The following NCAPD2 variants were observed in gnomAD, a reference collection of about 807,000 sequenced individuals.
The protein encoded by NCAPD2 is non-SMC condensin I complex subunit D2.
NCAPD2 carries 100 observed loss-of-function variants against 164.5 expected under a neutral mutation model. That is an observed-to-expected ratio of 0.61 (90% confidence interval 0.52 to 0.72). NCAPD2 has a LOEUF of 0.72. Among genes scored for constraint, NCAPD2 ranks in the 30% least tolerant of loss-of-function variants. The probability of loss-of-function intolerance (pLI) is 0.00; values close to 1 mark genes in which losing one functional copy is unlikely to be tolerated. For synonymous variants in NCAPD2, 585 were observed against 642.6 expected (o/e 0.91, Z 1.36); for missense variants, 1,560 against 1,749.2 (o/e 0.89, Z 1.93).
intron 6 of NCAPD2, among the ~76,000 whole-genome samples, chr12:6,513,713 G>GTTTTTTTTTTTTTTTTTT (rs1303520172): frequency 1.7e-3 from 85 of 50,068 alleles, no homozygotes; most frequent in Admixed American, 2.3e-3. Flanking sequence ...TGGTGACTTT[G>GTTTTTTTTTTTTTTTTTT]TCTTTTTTTT....
chr12:6,528,531 C>G lies in NCAPD2; in HGVS notation c.3300-148C>G, dbSNP rs758383023. ...GGTTAGAAGCTTCACCTCTTTCCCCCACTCCAGCTTTCAACTCTAGACAGC... is the reference window on the plus strand; with the variant it reads ...GGTTAGAAGCTTCACCTCTTTCCCCGACTCCAGCTTTCAACTCTAGACAGC... On this transcript the variant is annotated intron_variant, in intron 25 of 31. Coordinates refer to ENST00000315579, the MANE Select transcript of NCAPD2 (RefSeq NM_014865.4). The surrounding 1 kb of genome is among the most constrained non-coding windows in gnomAD (Gnocchi z 5.1). The G allele has an allele frequency of 1.3e-5, 15 of 1,157,182 alleles. No homozygotes were observed. The highest frequency in any genetic ancestry group is 1.8e-5 in the Non-Finnish European group (15 of 820,466). 71.7% of individuals were successfully genotyped at this position (1,157,182 alleles called of 1,614,324 possible).
Position 6,526,940 on chromosome 12 carries a change from C to T in NCAPD2, c.2784C>T (p.Ser928=). ...CTTTCCTGTTGATGAACCTGCTGTC[C>T]CTGGCTGGGGATGTGGCTCTGCAGC... is the stretch of plus-strand genomic sequence containing the variant. ...LPTFLLMNLL[S]LAGDVALQQL... is the part of the protein sequence containing the mutation. Residue 928 remains serine, a synonymous_variant, in exon 22 of 32, where the codon TCC becomes TCT. Transcript: ENST00000315579. The T allele has an allele frequency of 6.2e-7, 1 of 1,614,124 alleles. No individual in the cohort carries two copies. The highest frequency in any genetic ancestry group is 1.3e-5 in the African/African-American group (1 of 75,042).
At position 6,526,187 on chromosome 12, in the gene NCAPD2, C is replaced by T. The variant is rs369160973; in HGVS notation, c.2468C>T (p.Ser823Leu). Reference protein sequence around the residue: ...QQVCHAIANISDRRKPSLGKR... With the variant: ...QQVCHAIANILDRRKPSLGKR... ...GTGTGCCATGCCATTGCCAACATCTCGGACAGGAGAAAGGTATGTGGGGGT... is the reference window on the plus strand; with the variant it reads ...GTGTGCCATGCCATTGCCAACATCTTGGACAGGAGAAAGGTATGTGGGGGT... The change falls in exon 19 of 32, where the codon TCG becomes TTG. Residue 823 changes from serine (S) to leucine (L), a missense_variant. By Grantham distance (145) the Ser-to-Leu change is moderately radical. Transcript: ENST00000315579. The T allele has an allele frequency of 1.6e-4, 266 of 1,614,060 alleles. No homozygotes were observed. The highest frequency in any genetic ancestry group is 2.0e-4 in the Non-Finnish European group (234 of 1,180,048).
At chr12:6,494,192 A>C (rs568900556) in intron 1 of NCAPD2, 38 bp downstream of exon 1, 2 of 152,434 alleles carry the variant, frequency 1.3e-5, no homozygotes, top group East Asian at 3.9e-4. Context: ...AGAGTAGGAA[A>C]GTCGAGTACA....
At chr12:6,514,432 C>A (rs1182993192) in intron 7 of NCAPD2, 32 bp from the exon 8 acceptor site, 6 of 1,614,148 alleles carry the variant, frequency 3.7e-6, no homozygotes, top group South Asian at 1.1e-5. Context: ...TTTTGTATTG[C>A]CCATAATTTC....
chr12:6,526,084 G>A lies in NCAPD2; in HGVS notation c.2365G>A (p.Val789Met). 2 of 1,614,026 alleles carry A rather than the reference G, an allele frequency of 1.2e-6. No individual in the cohort carries two copies. The highest frequency in any genetic ancestry group is 1.7e-6 in the Non-Finnish European group (2 of 1,180,042). The change falls in exon 19 of 32, where the codon GTG becomes ATG. Residue 789 changes from valine to methionine, a missense_variant. Physicochemically the swap from Val to Met is conservative, Grantham distance 21 (BLOSUM62 1). Transcript: ENST00000315579. ...TTCCCCTAGAGGAAAGCCAGAAATT[G>A]TGGGAAGCAATTTAGACACACTGGT... The part of the protein sequence containing the change: ...GMMARGKPEI[V>M]GSNLDTLVSI...
chr12:6,495,072 C>T lies in NCAPD2; in HGVS notation c.-23-4C>T, dbSNP rs767263349. On this transcript the variant is annotated splice_region_variant and splice_polypyrimidine_tract_variant and intron_variant, in intron 1 of 31. Transcript: ENST00000315579. ...CCCTGACTTTTTCACTGTTTGGTTT[C>T]TAGCCCTGTGAGCCTGTAGGAGTAG... is the stretch of plus-strand genomic sequence containing the variant. The T allele has an allele frequency of 6.2e-7, 1 of 1,613,544 alleles. No homozygotes were observed. Among genetic ancestry groups the T allele is most frequent in the African/African-American group, 1.3e-5 (1 of 74,926 alleles).
chr12:6,497,918 CTT>C (rs71067120), intron 2 of NCAPD2, among the ~76,000 whole-genome samples: 9 of 140,048 alleles, frequency 6.4e-5, no homozygotes, highest in African/African-American at 2.4e-4. Context: ...CGCCCAGCCA[CTT>C]TTTTTTTTTT....
chr12:6,514,941 C>A, intron 9 of NCAPD2, 21 bp downstream of exon 9: 1 of 1,613,210 alleles, frequency 6.2e-7, no homozygotes, highest in Non-Finnish European at 8.5e-7. Context: ...CACTAGGGGT[C>A]ACTGAGCTTT....
intron 2 of NCAPD2, among the ~76,000 whole-genome samples, chr12:6,497,268 A>G (rs1945992759): frequency 6.7e-6 from 1 of 149,634 alleles, no homozygotes; most frequent in Admixed American, 6.8e-5. Context: ...TTCACTTATT[A>G]TAATGATGCA....
At chr12:6,512,084 AC>A (rs2137047823) in intron 6 of NCAPD2, among the ~76,000 whole-genome samples, 1 of 151,954 alleles carries the variant, frequency 6.6e-6, no homozygotes, top group East Asian at 1.9e-4. Flanking sequence ...GATCGAGACC[AC>A]GGTGAAACCC....
chr12:6,530,678 T>C lies in NCAPD2; in HGVS notation c.3838-13T>C. On this transcript the variant is annotated splice_polypyrimidine_tract_variant and intron_variant, in intron 29 of 31. Transcript: ENST00000315579. ...TTTTCAGGCCTGCTCTGAATCTCCT[T>C]TTCTCCCTCCAGGCTATAATAGATG... 6.2e-7 allele frequency: 1 copy of C among 1,613,896 alleles called. No homozygotes were observed. Among genetic ancestry groups the C allele is most frequent in the Non-Finnish European group, 8.5e-7 (1 of 1,179,948 alleles).
intron 13 of NCAPD2, among the ~76,000 whole-genome samples, chr12:6,518,504 G>GTTTTTGTGTT (rs746627585): frequency 1.6e-4 from 7 of 44,774 alleles, no homozygotes; most frequent in Non-Finnish European, 2.7e-4. Context: ...CCGTCAACAA[G>GTTTTTGTGTT]TTTTTTTTTT....
In NCAPD2 at chr12:6,529,511, A is replaced by G. The variant is rs1385458593; in HGVS notation, c.3573-2A>G. 3 of 1,613,900 alleles carry G rather than the reference A, an allele frequency of 1.9e-6. No homozygotes were observed. The highest frequency in any genetic ancestry group is 1.7e-6 in the Non-Finnish European group (2 of 1,179,820). On this transcript the variant is annotated splice_acceptor_variant, in intron 27 of 31. Transcript: ENST00000315579. LOFTEE classifies it high-confidence loss of function. The stretch of plus-strand genomic sequence containing the variant: ...GAACATCCTCATCTCCCCTTCCTGC[A>G]GACAGCTCCTCTCCTACATCACCAA...
At chr12:6,510,188 TTGTC>T (rs750923499) in intron 4 of NCAPD2, 55 bp downstream of exon 4, 3 of 1,507,900 alleles carry the variant, frequency 2.0e-6, no homozygotes, top group Non-Finnish European at 2.8e-6. Context: ...GTTTGTTTGT[TTGTC>T]TGTTTGTTTG....
intron 13 of NCAPD2, among the ~76,000 whole-genome samples, chr12:6,520,413 C>T (rs1369385960): frequency 1.4e-5 from 2 of 145,690 alleles, no homozygotes; most frequent in Admixed American, 1.3e-4. Context: ...CACAGGCACA[C>T]ACCATCACAC....
At chr12:6,494,689 C>T (rs551667431) in intron 1 of NCAPD2, among the ~76,000 whole-genome samples, 2 of 152,168 alleles carry the variant, frequency 1.3e-5, no homozygotes, top group African/African-American at 4.8e-5. Flanking sequence ...ATTAATATGC[C>T]ACTTTATAGT....
At position 6,514,930 on chromosome 12, in the gene NCAPD2, C is replaced by T. The variant is rs1002264504; in HGVS notation, c.987+10C>T. The T allele has an allele frequency of 3.7e-6, 6 of 1,613,914 alleles. No individual in the cohort carries two copies. Among genetic ancestry groups the T allele is most frequent in the Non-Finnish European group, 4.2e-6 (5 of 1,179,898 alleles). Reference sequence around the variant, plus strand: ...TCACCTGGATGGAGAAGTAGGTGGTCCACTAGGGGTCACTGAGCTTTTTCT... The same window carrying T: ...TCACCTGGATGGAGAAGTAGGTGGTTCACTAGGGGTCACTGAGCTTTTTCT... On this transcript the variant is annotated intron_variant, in intron 9 of 31. Coordinates refer to ENST00000315579, the MANE Select transcript of NCAPD2 (RefSeq NM_014865.4).
Position 6,526,268 on chromosome 12 carries a change from G to C in NCAPD2, c.2482-19G>C. 5 of 1,614,130 alleles carry C rather than the reference G, an allele frequency of 3.1e-6. No homozygotes were observed. Among genetic ancestry groups the C allele is most frequent in the Non-Finnish European group, 4.2e-6 (5 of 1,180,026 alleles). On this transcript the variant is annotated intron_variant, in intron 19 of 31. Transcript: ENST00000315579. Reference sequence around the variant, plus strand: ...GTGTCCACCCTGTACACACACCCACGTTGTCTTGCTCTCCACAGCCTTCTC... The same window carrying C: ...GTGTCCACCCTGTACACACACCCACCTTGTCTTGCTCTCCACAGCCTTCTC...
Sources: gnomAD v4.1 joint callset for allele counts (sites outside exome capture counted in the v4.1 genomes callset) on GRCh38, gnomAD v4.1.1 for gene constraint, Gnocchi (gnomAD v3.1) non-coding constraint, MANE v1.5 for transcripts, NCBI Gene and HGNC (gene_info 2026-07-23, HGNC 2026-07-21) for gene names.